Variants in DDAH1 observed in about 807,000 individuals in gnomAD.
DDAH1 encodes the protein dimethylarginine dimethylaminohydrolase 1.
A neutral mutation model predicts 28.8 loss-of-function variants in DDAH1; 19 were observed. That is an observed-to-expected ratio of 0.66 (90% CI 0.46 to 0.97). The LOEUF (loss-of-function observed/expected upper bound fraction) is 0.97, where lower values mean the gene tolerates loss of function less well. DDAH1 is among the 50% of genes least tolerant of loss of function. The pLI, the probability that DDAH1 is intolerant of heterozygous loss-of-function variation, is 0.00. For synonymous variants in DDAH1, 153 were observed against 154.4 expected (o/e 0.99, Z 0.07); for missense variants, 326 against 375.9 (o/e 0.87, Z 1.10).
intron 1 of DDAH1, among the ~76,000 whole-genome samples, chr1:85,534,970 A>T (rs1658223968): frequency 1.3e-5 from 2 of 152,232 alleles, no homozygotes; most frequent in African/African-American, 4.8e-5. Context: ...GTACCAAAGA[A>T]AAAGAAGAAA....
chr1:85,561,731 A>T (rs972693559), intron 1 of DDAH1, among the ~76,000 whole-genome samples: 7 of 152,206 alleles, frequency 4.6e-5, no homozygotes, highest in African/African-American at 1.7e-4. Context: ...GTAATGATGG[A>T]GACCAGAGAA....
At chr1:85,459,549 T>C (rs533708878) in intron 1 of DDAH1, among the ~76,000 whole-genome samples, 3 of 152,212 alleles carry the variant, frequency 2.0e-5, no homozygotes, top group Non-Finnish European at 4.4e-5. Flanking sequence ...TCTAACTAGT[T>C]GGCGGTGATG....
chr1:85,538,363 G>A (rs1227661652), intron 1 of DDAH1, among the ~76,000 whole-genome samples: 2 of 152,230 alleles, frequency 1.3e-5, no homozygotes, highest in Admixed American at 6.5e-5. Context: ...TTCTATGTGA[G>A]AGGTGGCAGC....
At chr1:85,394,234 T>G (rs1451508111) in intron 1 of DDAH1, among the ~76,000 whole-genome samples, 1 of 152,192 alleles carries the variant, frequency 6.6e-6, no homozygotes, top group Non-Finnish European at 1.5e-5. Flanking sequence ...ACTAGGTTAA[T>G]TCCACAAGAC....
At chr1:85,508,474 A>G (rs1657106121) in intron 1 of DDAH1, among the ~76,000 whole-genome samples, 2 of 152,332 alleles carry the variant, frequency 1.3e-5, no homozygotes, top group African/African-American at 4.8e-5. Flanking sequence ...TGGGTTGGAC[A>G]GTGGGTACAG....
chr1:85,366,961 G>C (rs960561899), intron 1 of DDAH1, among the ~76,000 whole-genome samples: 1 of 152,154 alleles, frequency 6.6e-6, no homozygotes, highest in South Asian at 2.1e-4. Flanking sequence ...TTTCCTATAA[G>C]AGAGACGTCA....
At chr1:85,396,872 A>T (rs1651837188) in intron 1 of DDAH1, among the ~76,000 whole-genome samples, 2 of 151,762 alleles carry the variant, frequency 1.3e-5, no homozygotes, top group African/African-American at 2.4e-5. Context: ...CTATTGCTAT[A>T]AGAAATACAA....
chr1:85,488,565 G>A (rs190758037), intron 2 of DDAH1, among the ~76,000 whole-genome samples: 249 of 152,284 alleles, frequency 1.6e-3, no homozygotes, highest in African/African-American at 5.7e-3. Flanking sequence ...CATGAGTTTT[G>A]AGGGAGACAT....
chr1:85,436,806 A>G (rs1392961382), intron 1 of DDAH1, among the ~76,000 whole-genome samples: 1 of 152,208 alleles, frequency 6.6e-6, no homozygotes, highest in African/African-American at 2.4e-5. Context: ...GAAGCGGTAG[A>G]CATTTTTGAC....
intron 1 of DDAH1, among the ~76,000 whole-genome samples, chr1:85,520,836 T>G (rs1227770299): frequency 6.6e-6 from 1 of 152,224 alleles, no homozygotes; most frequent in African/African-American, 2.4e-5. Flanking sequence ...CACAGGAATA[T>G]GTCAATATGC....
intron 1 of DDAH1, among the ~76,000 whole-genome samples, chr1:85,458,473 G>A (rs1457996840): frequency 6.3e-5 from 9 of 142,128 alleles, no homozygotes; most frequent in Admixed American, 1.5e-4. Context: ...TCTGTTGCTA[G>A]GCTGGAGTGC....
exon 1 of DDAH1, chr1:85,578,014 C>G: frequency 4.1e-6 from 4 of 985,480 alleles, no homozygotes; most frequent in Non-Finnish European, 4.8e-6. Flanking sequence ...CGCCTCCTGT[C>G]CGTCAACTTG....
chr1:85,562,440 A>G (rs1557763589), intron 1 of DDAH1, among the ~76,000 whole-genome samples: 1 of 152,210 alleles, frequency 6.6e-6, no homozygotes, highest in Non-Finnish European at 1.5e-5. Context: ...GTCCCCCAAA[A>G]AGATAGGTTG....
intron 1 of DDAH1, chr1:85,448,010 T>C (rs1654511276): frequency 6.6e-6 from 1 of 152,454 alleles, no homozygotes; most frequent in South Asian, 2.1e-4. Flanking sequence ...AGCCAGCATC[T>C]TCATCATCCT....
At chr1:85,407,201 T>G (rs1570499110) in intron 1 of DDAH1, among the ~76,000 whole-genome samples, 2 of 152,316 alleles carry the variant, frequency 1.3e-5, no homozygotes, top group South Asian at 4.1e-4. Context: ...GGTAAAATTT[T>G]AATTACTAAT....
chr1:85,460,598 A>T (rs6658151), intron 1 of DDAH1, among the ~76,000 whole-genome samples: 18,976 of 151,768 alleles, frequency 0.13, 1,274 homozygotes, highest in East Asian at 0.24. Context: ...AAATAAATTT[A>T]AAAAAAAAGT....
chr1:85,389,762 GGGA>G (rs1651453790), intron 1 of DDAH1, among the ~76,000 whole-genome samples: 1 of 152,246 alleles, frequency 6.6e-6, no homozygotes, highest in South Asian at 2.1e-4. Flanking sequence ...CTTGACCTAG[GGGA>G]ACTCATGTTC....
chr1:85,433,732 C>T (rs1429314527), intron 1 of DDAH1, among the ~76,000 whole-genome samples: 1 of 152,132 alleles, frequency 6.6e-6, no homozygotes, highest in African/African-American at 2.4e-5. Context: ...AACAAGCTAA[C>T]AGCCATGCAA....
intron 3 of DDAH1, 103 bp downstream of exon 3, chr1:85,351,403 C>T: frequency 1.1e-6 from 1 of 887,984 alleles, no homozygotes; most frequent in Non-Finnish European, 1.8e-6. Context: ...TTGTACAAAG[C>T]CAGTGAAGCG....
Sources: gnomAD v4.1 joint callset for allele counts (sites outside exome capture counted in the v4.1 genomes callset) on GRCh38, gnomAD v4.1.1 for gene constraint, MANE v1.5 for transcripts, NCBI Gene and HGNC (gene_info 2026-07-23, HGNC 2026-07-21) for gene names.